Variants in AGRN observed in about 807,000 individuals in gnomAD.
AGRN encodes the protein agrin proteoglycan.
AGRN carries 106 observed loss-of-function variants against 211.0 expected under a neutral mutation model. The ratio of observed to expected loss-of-function variants is 0.50; its 90% CI spans 0.43 to 0.59. The LOEUF is 0.59. Among genes scored for constraint, AGRN ranks in the 20% least tolerant of loss-of-function variants. AGRN has a pLI of 0.00. For missense variants in AGRN, 3,040 were observed against 2,982.6 expected (o/e 1.02, Z -0.45); for synonymous variants, 1,525 against 1,332.5 (o/e 1.14, Z -3.15).
intron 2 of AGRN, among the ~76,000 whole-genome samples, chr1:1,029,591 G>A (rs546292517): frequency 4.1e-5 from 6 of 146,748 alleles, no homozygotes; most frequent in South Asian, 4.2e-4. Context: ...TTGTGTGGCC[G>A]TGTGTGTGTG....
chr1:1,049,254 G>A lies in AGRN; in HGVS notation c.4317G>A (p.Gly1439=). The change falls in exon 25 of 36, where the codon GGG becomes GGA. Residue 1439 remains glycine (G), a synonymous_variant. Transcript: ENST00000379370. ...RVQLRFDTGS[G]PAVLTSAVPV... ...CCCTCAGGTTTGACACAGGTTCGGGGCCGGCGGTGCTGACCAGTGCCGTGC... is the reference window on the plus strand; with the variant it reads ...CCCTCAGGTTTGACACAGGTTCGGGACCGGCGGTGCTGACCAGTGCCGTGC... The A allele has an allele frequency of 1.3e-6, 2 of 1,587,660 alleles. No individual in the cohort carries two copies. The highest frequency in any genetic ancestry group is 1.7e-6 in the Non-Finnish European group (2 of 1,173,232).
intron 33 of AGRN, chr1:1,052,099 G>A (rs1050132922): frequency 2.5e-5 from 35 of 1,410,394 alleles, no homozygotes; most frequent in South Asian, 4.9e-5. Context: ...CGGAGCCCCC[G>A]GGGAACTTTC....
rs141217865 is a variant in AGRN, at chr1:1,046,825, G to A, written c.3256G>A (p.Glu1086Lys). ...EASGGGSGGLEPLEGSSVATP... is the reference protein window; with the variant it reads ...EASGGGSGGLKPLEGSSVATP... The stretch of plus-strand genomic sequence containing the variant: ...CTCAGAGCGCGTCTCCCCAGGGCTC[G>A]AGCCCTTGGAGGGCAGCAGCGTGGC... The change falls in exon 19 of 36, where the codon GAG (glutamate) becomes AAG (lysine). Residue 1086 changes from glutamate to lysine, a missense_variant. By Grantham distance (56) the Glu-to-Lys change is moderately conservative (BLOSUM62 1). Around this residue, in one of 3 missense-constraint regions of AGRN, gnomAD observed 1,537 missense variants for 1,505.0 expected, o/e 1.02. Transcript: ENST00000379370. The A allele has an allele frequency of 4.7e-5, 74 of 1,582,234 alleles. No homozygotes were observed. The African/African-American group carries it at 5.4e-4, about 11-fold the overall frequency.
At position 1,031,773 on chromosome 1, in the gene AGRN, C is replaced by T. The variant is rs1294158491; in HGVS notation, c.464-3504C>T. Among the ~76,000 whole-genome samples the T allele has an allele frequency of 6.6e-6, 1 of 152,216 alleles. No individual in the cohort carries two copies. Among genetic ancestry groups the T allele is most frequent in the Non-Finnish European group, 1.5e-5 (1 of 68,028 alleles). ...CCCCTCCCACATTGTGGTACCTGTC[C>T]TCCTCCTGCAGAGCCCGCCCAGAGA... On this transcript the variant is annotated intron_variant, in intron 2 of 35. Coordinates refer to ENST00000379370, the MANE Select transcript of AGRN (RefSeq NM_198576.4). This position sits in a 1 kb window ranked among gnomAD's most constrained non-coding sequence, Gnocchi z 4.8.
rs959826008 is a variant in AGRN at position 1,031,919 on chromosome 1, T to C, written c.464-3358T>C. ...TGGGAGGTGAGAAATGGGGAATGCATGTGAACCACCTGCCTCTGCACACAG... is the reference window on the plus strand; with the variant it reads ...TGGGAGGTGAGAAATGGGGAATGCACGTGAACCACCTGCCTCTGCACACAG... On this transcript the variant is annotated intron_variant, in intron 2 of 35. Transcript: ENST00000379370. This position sits in a 1 kb window ranked among gnomAD's most constrained non-coding sequence, Gnocchi z 4.8. Among the ~76,000 whole-genome samples the C allele has an allele frequency of 1.3e-5, 2 of 152,208 alleles. No individual in the cohort carries two copies. Among genetic ancestry groups the C allele is most frequent in the Admixed American group, 1.3e-4 (2 of 15,280 alleles).
Position 1,047,867 on chromosome 1 carries a change from G to A in AGRN, c.3723G>A (p.Leu1241=), listed in dbSNP as rs981386078. 31 of 1,605,794 alleles carry A rather than the reference G, an allele frequency of 1.9e-5. No homozygotes were observed. The highest frequency in any genetic ancestry group is 2.5e-5 in the Non-Finnish European group (30 of 1,177,164). The change falls in exon 22 of 36, where the codon CTG becomes CTA. Residue 1241 remains leucine (L), a synonymous_variant. Coordinates refer to ENST00000379370, the MANE Select transcript of AGRN (RefSeq NM_198576.4). ...GGTCCTTGGGGGTGAGGCGGCCGCT[G>A]CAGGAGCACGTGCGATTTATGGACT... ...RRRSLGVRRP[L]QEHVRFMDFD...
chr1:1,026,178 TC>T (rs1644517822), intron 2 of AGRN, among the ~76,000 whole-genome samples: 1 of 152,124 alleles, frequency 6.6e-6, no homozygotes, highest in Non-Finnish European at 1.5e-5. Flanking sequence ...GCTCCATTGT[TC>T]CTGCAGACTA....
At chr1:1,040,330 G>C (rs1570188358) in intron 3 of AGRN, among the ~76,000 whole-genome samples, 1 of 152,226 alleles carries the variant, frequency 6.6e-6, no homozygotes, top group African/African-American at 2.4e-5. Context: ...GGAGGCCCAC[G>C]AGGTGGGTGG....
intron 7 of AGRN, 114 bp from the exon 8 acceptor site, chr1:1,043,125 C>T: frequency 8.3e-7 from 1 of 1,209,396 alleles, no homozygotes. Context: ...CTCCTGTGTT[C>T]TCTCTTCCTC....
intron 29 of AGRN, 58 bp downstream of exon 29, chr1:1,050,649 C>T: frequency 6.2e-7 from 1 of 1,603,244 alleles, no homozygotes; most frequent in Non-Finnish European, 8.5e-7. Flanking sequence ...GCCGGGGCAC[C>T]AGCAGGTCGC....
chr1:1,043,339 G>A lies in AGRN; in HGVS notation c.1485G>A (p.Ser495=), dbSNP rs778442558. The A allele has an allele frequency of 3.1e-6, 5 of 1,610,106 alleles. No homozygotes were observed. In the South Asian group the frequency reaches 5.5e-5, roughly 18 times the overall value. The change falls in exon 8 of 36, where the codon TCG becomes TCA. Residue 495 remains serine (S), a synonymous_variant. Coordinates refer to ENST00000379370, the MANE Select transcript of AGRN (RefSeq NM_198576.4). The part of the protein sequence containing the change: ...QAACECLQAC[S]SLYDPVCGSD... ...CGTGTGAATGCCTGCAGGCGTGCTC[G>A]AGCCTCTACGATCCTGTGTGCGGCA...
At chr1:1,050,069 G>C (rs2799067) in intron 27 of AGRN, 32 bp downstream of exon 27, 9 of 1,234,420 alleles carry the variant, frequency 7.3e-6, no homozygotes, top group African/African-American at 2.2e-5. Context: ...GGGCAGGGGG[G>C]GGGGGGGGGT....
chr1:1,049,072 G>A lies in AGRN; in HGVS notation c.4298+13G>A, dbSNP rs762122889. The A allele has an allele frequency of 1.3e-6, 2 of 1,493,856 alleles. No individual in the cohort carries two copies. Among genetic ancestry groups the A allele is most frequent in the Non-Finnish European group, 1.8e-6 (2 of 1,121,126 alleles). The allele number at this position is 1,493,856 out of a possible 1,614,324, so 92.5% of individuals were successfully genotyped here. ...GCGTGCAGCTCAGGTGGGCGGGGAG[G>A]GGACGGGGCCGGGGCAGCTCAGGTG... is the stretch of plus-strand genomic sequence containing the variant. On this transcript the variant is annotated intron_variant, in intron 24 of 35. Transcript: ENST00000379370.
chr1:1,043,787 G>A (rs758418258), intron 9 of AGRN, 36 bp from the exon 10 acceptor site: 1 of 1,607,288 alleles, frequency 6.2e-7, no homozygotes, highest in Non-Finnish European at 8.5e-7. Flanking sequence ...CCTCAGCCTG[G>A]GCCTGCCGAC....
At chr1:1,040,554 G>A in intron 3 of AGRN, 111 bp from the exon 4 acceptor site, 1 of 1,323,008 alleles carries the variant, frequency 7.6e-7, no homozygotes, top group East Asian at 2.5e-5. Context: ...CCCCCGATGC[G>A]GCGCGGGGGC....
At chr1:1,029,806 G>A (rs1644614764) in intron 2 of AGRN, among the ~76,000 whole-genome samples, 1 of 101,036 alleles carries the variant, frequency 9.9e-6, no homozygotes. Context: ...TGCAGTGCAT[G>A]GTGCTGTGTG....
rs748297888 is a variant in AGRN at position 1,046,504 on chromosome 1, G to C, written c.3019G>C (p.Ala1007Pro). The C allele has an allele frequency of 6.8e-6, 11 of 1,610,408 alleles. No homozygotes were observed. The South Asian group carries it at 1.2e-4, about 18-fold the overall frequency. The change falls in exon 18 of 36, where the codon GCT becomes CCT. Residue 1007 changes from alanine (A) to proline (P), a missense_variant. Coordinates refer to ENST00000379370, the MANE Select transcript of AGRN (RefSeq NM_198576.4). The stretch of plus-strand genomic sequence containing the variant: ...GGCCCCCCCCGGCGCCCTCCCCCTG[G>C]CTCCCAGCAGTACCGCACACAGCCA... ...LPAPPGALPL[A>P]PSSTAHSQTT...
rs750692165 is a variant in AGRN at position 1,046,060 on chromosome 1, T to C, written c.2777T>C (p.Leu926Pro). The C allele has an allele frequency of 6.2e-7, 1 of 1,614,006 alleles. No homozygotes were observed. The highest frequency in any genetic ancestry group is 8.5e-7 in the Non-Finnish European group (1 of 1,180,002). Residue 926 changes from leucine (L) to proline (P), a missense_variant, in exon 16 of 36, where the codon CTC becomes CCC. Leu to Pro is a moderately conservative substitution (Grantham distance 98, BLOSUM62 -3). Coordinates refer to ENST00000379370, the MANE Select transcript of AGRN (RefSeq NM_198576.4). ...TCAGCCCACTGTGTCTGCCCGATGC[T>C]CACCTGTCCAGAGGCCAACGCTACC... ...SGSAHCVCPMLTCPEANATKV... is the reference protein window; with the variant it reads ...SGSAHCVCPMPTCPEANATKV...
intron 1 of AGRN, 22 bp from the exon 2 acceptor site, chr1:1,022,179 C>G (rs1383601032): frequency 2.7e-5 from 44 of 1,612,850 alleles, no homozygotes; most frequent in Non-Finnish European, 3.6e-5. Flanking sequence ...ACTAATGACA[C>G]CTACCGCCAT....
Sources: gnomAD v4.1 joint callset for allele counts (sites outside exome capture counted in the v4.1 genomes callset) on GRCh38, gnomAD v4.1.1 for gene constraint, gnomAD v4.1.1 regional missense constraint, Gnocchi (gnomAD v3.1) non-coding constraint, MANE v1.5 for transcripts, NCBI Gene and HGNC (gene_info 2026-07-23, HGNC 2026-07-21) for gene names.